ARHGAP22: variants seen among roughly 807,000 people sequenced by gnomAD.
The protein encoded by ARHGAP22 is rho GTPase-activating protein 22.
Under a neutral mutation model 59.1 loss-of-function variants are expected in ARHGAP22, and 48 were observed. The ratio of observed to expected loss-of-function variants is 0.81; its 90% confidence interval spans 0.64 to 1.03. ARHGAP22 has a LOEUF of 1.03. ARHGAP22 is among the 50% of genes least tolerant of loss of function. ARHGAP22 has a pLI of 0.00. For synonymous variants in ARHGAP22, 445 were observed against 416.4 expected, an observed-to-expected ratio of 1.07 and a Z score of -0.84; for missense variants, 1,015 against 958.7, an observed-to-expected ratio of 1.06 and a Z score of -0.78.
chr10:48,623,782 G>A (rs1323280128), intron 1 of ARHGAP22, among the ~76,000 whole-genome samples: 1 of 152,174 alleles, frequency 6.6e-6, no homozygotes, highest in East Asian at 1.9e-4. Context: ...AATGTTTTGG[G>A]GAGCACATCC....
chr10:48,560,650 C>T (rs2057628557), intron 2 of ARHGAP22, among the ~76,000 whole-genome samples: 1 of 152,076 alleles, frequency 6.6e-6, no homozygotes, highest in Non-Finnish European at 1.5e-5. Context: ...CCATAGATGG[C>T]TTTTCACAGG....
chr10:48,633,790 C>A (rs1412507279), intron 1 of ARHGAP22, among the ~76,000 whole-genome samples: 1 of 151,964 alleles, frequency 6.6e-6, no homozygotes, highest in Non-Finnish European at 1.5e-5. Flanking sequence ...AGGAGATGGG[C>A]AGGTTAATAG....
Position 48,550,355 on chromosome 10 carries a change from C to G in ARHGAP22, c.322+5108G>C, listed in dbSNP as rs73298278. Among the ~76,000 whole-genome samples the G allele has an allele frequency of 2.1e-3, 325 of 152,322 alleles. 1 individual carries two copies. The highest frequency in any genetic ancestry group is 7.6e-3 in the African/African-American group (315 of 41,572). On this transcript the variant is annotated intron_variant, in intron 3 of 9. Coordinates refer to ENST00000249601, the MANE Select transcript of ARHGAP22 (RefSeq NM_021226.4). ...AGGGTAGGAAGGTGTCTTTCTTACT[C>G]CAAGGTAACAGATCATTATACAGAA...
At chr10:48,536,159 C>A (rs1182125474) in intron 3 of ARHGAP22, among the ~76,000 whole-genome samples, 1 of 152,244 alleles carries the variant, frequency 6.6e-6, no homozygotes. Context: ...AATACCTCCA[C>A]ACTCTGCTCA....
intron 1 of ARHGAP22, among the ~76,000 whole-genome samples, chr10:48,616,096 T>C (rs10857612): frequency 0.55 from 84,095 of 152,014 alleles, 23,722 homozygotes; most frequent in African/African-American, 0.66. Flanking sequence ...GCATTTTTTA[T>C]AAGTTAAAAA....
intron 2 of ARHGAP22, among the ~76,000 whole-genome samples, chr10:48,571,355 T>A (rs1564904986): frequency 6.6e-6 from 1 of 152,238 alleles, no homozygotes; most frequent in Non-Finnish European, 1.5e-5. Flanking sequence ...TAGCAAGATT[T>A]CTTTTCTCCA....
intron 3 of ARHGAP22, among the ~76,000 whole-genome samples, chr10:48,537,042 C>T (rs1387846118): frequency 6.6e-6 from 1 of 152,110 alleles, no homozygotes; most frequent in East Asian, 1.9e-4. Flanking sequence ...TACAGGAATC[C>T]CAGGAGGCCG....
intron 3 of ARHGAP22, among the ~76,000 whole-genome samples, chr10:48,527,049 C>G (rs527300592): frequency 6.6e-6 from 1 of 152,304 alleles, no homozygotes; most frequent in Admixed American, 6.5e-5. Flanking sequence ...TCTCAGTTAA[C>G]CACAGGACAA....
At chr10:48,569,432 C>T (rs969376211) in intron 2 of ARHGAP22, among the ~76,000 whole-genome samples, 3 of 152,224 alleles carry the variant, frequency 2.0e-5, no homozygotes, top group Admixed American at 1.3e-4. Flanking sequence ...TCCACCAATG[C>T]ATTAAGGAGC....
intron 1 of ARHGAP22, among the ~76,000 whole-genome samples, chr10:48,649,417 C>T (rs1011123788): frequency 3.9e-5 from 6 of 152,198 alleles, no homozygotes; most frequent in African/African-American, 7.2e-5. Flanking sequence ...TTGGTCCCAG[C>T]GTGCAGGTCA....
At chr10:48,493,971 C>G (rs973013550) in intron 3 of ARHGAP22, among the ~76,000 whole-genome samples, 13 of 152,234 alleles carry the variant, frequency 8.5e-5, no homozygotes, top group African/African-American at 3.1e-4. Context: ...GATGTAAGTG[C>G]TTATGCCACA....
intron 3 of ARHGAP22, among the ~76,000 whole-genome samples, chr10:48,521,042 G>A (rs1589910549): frequency 6.6e-6 from 1 of 152,056 alleles, no homozygotes; most frequent in Non-Finnish European, 1.5e-5. Flanking sequence ...CTGGAAACAT[G>A]CCCCAGAAAC....
chr10:48,555,466 G>C lies in ARHGAP22; in HGVS notation c.319C>G (p.Pro107Ala). 1 of 1,613,962 alleles carries C rather than the reference G, an allele frequency of 6.2e-7. No individual in the cohort carries two copies. The highest frequency in any genetic ancestry group is 8.5e-7 in the Non-Finnish European group (1 of 1,179,938). ...GCTGGAAGGTGCTCAGGCCTACCTGGGCTGATCTCAAAGAGGTGCTTCCCT... is the reference window on the plus strand; with the variant it reads ...GCTGGAAGGTGCTCAGGCCTACCTGCGCTGATCTCAAAGAGGTGCTTCCCT... ...DPGKHLFEIS[P>A]GGAGEREKVP... Residue 107 changes from proline (P) to alanine (A), a missense_variant, in exon 3 of 10, where the codon CCA becomes GCA. Transcript: ENST00000249601.
chr10:48,563,051 T>G (rs554044941), intron 2 of ARHGAP22, among the ~76,000 whole-genome samples: 1 of 152,284 alleles, frequency 6.6e-6, no homozygotes, highest in South Asian at 2.1e-4. Flanking sequence ...AAAGTCTTCC[T>G]GCACCCTTCC....
At chr10:48,593,127 C>A in intron 1 of ARHGAP22, among the ~76,000 whole-genome samples, 1 of 152,298 alleles carries the variant, frequency 6.6e-6, no homozygotes. Context: ...TGGGCCCTCC[C>A]GGATGCCCTA....
intron 9 of ARHGAP22, among the ~76,000 whole-genome samples, chr10:48,449,292 C>T (rs892997721): frequency 1.1e-4 from 17 of 152,354 alleles, no homozygotes; most frequent in Non-Finnish European, 2.5e-4. Context: ...TCAGGCACTG[C>T]CTGCTGTGAC....
chr10:48,594,842 A>G (rs912077371), intron 1 of ARHGAP22, among the ~76,000 whole-genome samples: 1 of 152,004 alleles, frequency 6.6e-6, no homozygotes, highest in African/African-American at 2.4e-5. Context: ...TACATCTGAA[A>G]GGGTAACAGG....
At chr10:48,480,786 G>A (rs1007213558) in intron 3 of ARHGAP22, among the ~76,000 whole-genome samples, 6 of 152,270 alleles carry the variant, frequency 3.9e-5, no homozygotes, top group Admixed American at 2.6e-4. Context: ...CTGAAGCACA[G>A]AGGAATTAAG....
chr10:48,470,316 G>A (rs537899199), intron 4 of ARHGAP22, among the ~76,000 whole-genome samples: 7 of 152,308 alleles, frequency 4.6e-5, no homozygotes, highest in East Asian at 3.9e-4. Context: ...AAATCATCCC[G>A]ACTAGCTTAC....
Sources: gnomAD v4.1 joint callset for allele counts (sites outside exome capture counted in the v4.1 genomes callset) on GRCh38, gnomAD v4.1.1 for gene constraint, MANE v1.5 for transcripts, NCBI Gene and HGNC (gene_info 2026-07-23, HGNC 2026-07-21) for gene names.